The following ELMOD2 variants were observed in gnomAD, a reference collection of about 807,000 sequenced individuals.
ELMOD2 encodes the protein ELMO domain containing 2, also known as ELMO domain-containing protein 2.
Under a neutral mutation model 41.0 loss-of-function variants are expected in ELMOD2, and 28 were observed. The observed-to-expected ratio is 0.68, with a 90% CI of 0.51 to 0.94. ELMOD2 has a LOEUF of 0.94. Among genes scored for constraint, ELMOD2 ranks in the 40% least tolerant of loss-of-function variants. The pLI is 0.00. For missense variants in ELMOD2, 333 were observed against 343.1 expected (o/e 0.97, Z 0.23); for synonymous variants, 106 against 107.2 (o/e 0.99, Z 0.07).
chr4:140,525,704 C>T (rs561841738), intron 2 of ELMOD2, 134 bp downstream of exon 2: 24 of 881,310 alleles, frequency 2.7e-5, no homozygotes, highest in Middle Eastern at 3.3e-4. Context: ...TCTGAAGTCC[C>T]GCTTTGACTC....
At chr4:140,534,104 A>G (rs1426822371) in intron 3 of ELMOD2, among the ~76,000 whole-genome samples, 1 of 152,178 alleles carries the variant, frequency 6.6e-6, no homozygotes, top group Non-Finnish European at 1.5e-5. Flanking sequence ...TATATTTACC[A>G]AAAGTATAAT....
chr4:140,542,418 A>T, intron 6 of ELMOD2, 156 bp from the exon 7 acceptor site: 2 of 542,528 alleles, frequency 3.7e-6, no homozygotes, highest in Non-Finnish European at 6.4e-6. Context: ...TTGATTCAGA[A>T]GCATTTGTGA....
Position 140,540,336 on chromosome 4 carries a change from T to A in ELMOD2, c.533+35T>A, listed in dbSNP as rs1015349746. On this transcript the variant is annotated intron_variant, in intron 6 of 8. Transcript: ENST00000323570. Reference sequence around the variant, plus strand: ...AGTAAACTTTCTTTTCTTCCCTAAATGAAATTACATTTAATCTCTGATCTA... The same window carrying A: ...AGTAAACTTTCTTTTCTTCCCTAAAAGAAATTACATTTAATCTCTGATCTA... The A allele has an allele frequency of 4.4e-6, 7 of 1,607,630 alleles. No homozygotes were observed. In the Admixed American group the frequency reaches 1.2e-4, roughly 27 times the overall value.
intron 8 of ELMOD2, among the ~76,000 whole-genome samples, chr4:140,548,718 A>G (rs895561021): frequency 6.6e-6 from 1 of 152,158 alleles, no homozygotes; most frequent in Non-Finnish European, 1.5e-5. Flanking sequence ...ACAACATAGT[A>G]CTTGCATCCT....
chr4:140,532,874 A>C (rs1279794455), intron 3 of ELMOD2, among the ~76,000 whole-genome samples: 1 of 152,214 alleles, frequency 6.6e-6, no homozygotes, highest in African/African-American at 2.4e-5. Context: ...ATCCTAAGAA[A>C]TCTACAAAAA....
chr4:140,539,354 GGTTT>G (rs1194560114), intron 5 of ELMOD2, among the ~76,000 whole-genome samples: 1 of 150,974 alleles, frequency 6.6e-6, no homozygotes, highest in African/African-American at 2.4e-5. Context: ...TTTGATAGTT[GGTTT>G]GTTTTTTTTT....
intron 4 of ELMOD2, among the ~76,000 whole-genome samples, chr4:140,536,973 G>A (rs1734949323): frequency 6.6e-6 from 1 of 152,070 alleles, no homozygotes; most frequent in Admixed American, 6.5e-5. Flanking sequence ...AATGGGTAGC[G>A]ATGTCATTAA....
intron 8 of ELMOD2, among the ~76,000 whole-genome samples, chr4:140,544,041 G>A (rs779923011): frequency 9.9e-5 from 15 of 151,486 alleles, no homozygotes; most frequent in Admixed American, 7.9e-4. Context: ...TAGAGGTACT[G>A]AGTAACTGTT....
chr4:140,542,650 G>A lies in ELMOD2; in HGVS notation c.602+8G>A, dbSNP rs771043154. On this transcript the variant is annotated splice_region_variant and intron_variant, in intron 7 of 8. Coordinates refer to ENST00000323570, the MANE Select transcript of ELMOD2 (RefSeq NM_153702.4). ...AAATCATCCAAAATTAGGGTAAGCTGGGTATATTAAAGAAGCCGTAATCTC... is the reference window on the plus strand; with the variant it reads ...AAATCATCCAAAATTAGGGTAAGCTAGGTATATTAAAGAAGCCGTAATCTC... The A allele has an allele frequency of 1.1e-5, 18 of 1,595,488 alleles. 1 individual carries two copies. The South Asian group carries it at 2.0e-4, about 18-fold the overall frequency.
intron 3 of ELMOD2, among the ~76,000 whole-genome samples, chr4:140,534,261 G>A (rs1212467887): frequency 1.3e-5 from 2 of 152,124 alleles, no homozygotes; most frequent in Non-Finnish European, 2.9e-5. Context: ...GAGTAAGAAT[G>A]TGGATGAATC....
chr4:140,550,492 T>C lies in ELMOD2; in HGVS notation c.*117T>C. The C allele has an allele frequency of 9.2e-7, 1 of 1,087,466 alleles. No homozygotes were observed. The highest frequency in any genetic ancestry group is 1.3e-6 in the Non-Finnish European group (1 of 797,086). 67.4% of individuals were successfully genotyped at this position (1,087,466 alleles called of 1,614,324 possible). A position where few individuals can be genotyped will look rare whatever the true frequency, so the allele number is the denominator to read the frequency against. The stretch of plus-strand genomic sequence containing the variant: ...TATATATAATTTCCTACAAAAATAT[T>C]TCAGAAATTCTATTTAAGAAAGCTA... On this transcript the variant is annotated 3_prime_UTR_variant, in exon 9 of 9. Transcript: ENST00000323570.
At chr4:140,539,742 A>G (rs535061956) in intron 5 of ELMOD2, among the ~76,000 whole-genome samples, 4 of 152,322 alleles carry the variant, frequency 2.6e-5, no homozygotes, top group Non-Finnish European at 5.9e-5. Flanking sequence ...TTGGAATGCT[A>G]TCAGTATCAT....
At chr4:140,529,209 T>C (rs542674471) in intron 3 of ELMOD2, among the ~76,000 whole-genome samples, 1 of 152,312 alleles carries the variant, frequency 6.6e-6, no homozygotes, top group Admixed American at 6.5e-5. Flanking sequence ...GGGCAGTGTC[T>C]TGAGGCACTA....
In ELMOD2 at chr4:140,537,560, T is replaced by A; in HGVS notation, c.399+19T>A. 6.3e-7 allele frequency: 1 copy of A among 1,596,920 alleles called. No individual in the cohort carries two copies. Among genetic ancestry groups the A allele is most frequent in the Non-Finnish European group, 8.5e-7 (1 of 1,173,804 alleles). On this transcript the variant is annotated intron_variant, in intron 5 of 8. Transcript: ENST00000323570. Reference sequence around the variant, plus strand: ...CATGAAGGTAAATTTCTGTTTTCTTTATGTGGAGTTGTTGAACGCTAGAAA... The same window carrying A: ...CATGAAGGTAAATTTCTGTTTTCTTAATGTGGAGTTGTTGAACGCTAGAAA...
Position 140,542,659 on chromosome 4 carries a change from A to T in ELMOD2, c.602+17A>T. On this transcript the variant is annotated intron_variant, in intron 7 of 8. Transcript: ENST00000323570. ...AAAATTAGGGTAAGCTGGGTATATT[A>T]AAGAAGCCGTAATCTCTTGCATTTA... The T allele has an allele frequency of 6.4e-7, 1 of 1,573,452 alleles. No homozygotes were observed. Among genetic ancestry groups the T allele is most frequent in the South Asian group, 1.1e-5 (1 of 87,308 alleles).
At chr4:140,545,358 C>G (rs1735241253) in intron 8 of ELMOD2, among the ~76,000 whole-genome samples, 1 of 152,190 alleles carries the variant, frequency 6.6e-6, no homozygotes, top group Non-Finnish European at 1.5e-5. Flanking sequence ...CCTGTGCCCA[C>G]TCCTCTCTTT....
chr4:140,530,903 C>T (rs1734725723), intron 3 of ELMOD2, among the ~76,000 whole-genome samples: 1 of 152,008 alleles, frequency 6.6e-6, no homozygotes, highest in Non-Finnish European at 1.5e-5. Context: ...CTGATATTAT[C>T]AATTACCAGT....
At position 140,551,278 on chromosome 4, in the gene ELMOD2, C is replaced by T. The variant is rs1475165081; in HGVS notation, c.*903C>T. On this transcript the variant is annotated 3_prime_UTR_variant, in exon 9 of 9. Transcript: ENST00000323570. ...ACAGTTTCTGTTTAAGTAAAACTGT[C>T]TTTGAAACTTAAGAAAGCTTAAGTT... 6.6e-6 allele frequency: 1 copy of T among 152,000 alleles called. No individual in the cohort carries two copies. Among genetic ancestry groups the T allele is most frequent in the Non-Finnish European group, 1.5e-5 (1 of 67,922 alleles). The allele number at this position is 152,000 out of a possible 1,614,324, so 9.4% of individuals were successfully genotyped here. A position where few individuals can be genotyped will look rare whatever the true frequency, so the allele number is the denominator to read the frequency against.
At chr4:140,526,998 T>G (rs1560822670) in intron 2 of ELMOD2, among the ~76,000 whole-genome samples, 1 of 152,210 alleles carries the variant, frequency 6.6e-6, no homozygotes, top group African/African-American at 2.4e-5. Flanking sequence ...ATTTGTCTGG[T>G]GACAGAAGGG....
Sources: allele counts gnomAD v4.1 joint callset (sites outside exome capture counted in the v4.1 genomes callset), GRCh38; gene constraint gnomAD v4.1.1; transcripts MANE v1.5; gene names NCBI Gene and HGNC (gene_info 2026-07-23, HGNC 2026-07-21).